Variants in COL9A1 observed in about 807,000 individuals in gnomAD.
COL9A1 encodes collagen alpha-1(IX) chain.
Under a neutral mutation model 142.6 loss-of-function variants are expected in COL9A1, and 104 were observed. The ratio of observed to expected loss-of-function variants is 0.73; its 90% CI spans 0.62 to 0.86. The LOEUF (loss-of-function observed/expected upper bound fraction) is 0.86. COL9A1 is among the 40% of genes least tolerant of loss of function. The pLI, the probability that COL9A1 is intolerant of heterozygous loss-of-function variation, is 0.00. For synonymous variants in COL9A1, 466 were observed against 396.0 expected (o/e 1.18, Z -2.10); for missense variants, 1,210 against 1,176.6 (o/e 1.03, Z -0.42).
intron 6 of COL9A1, chr6:70,283,212 C>G: frequency 6.8e-7 from 1 of 1,463,856 alleles, no homozygotes; most frequent in Non-Finnish European, 9.0e-7. Context: ...GGCGCGCGTT[C>G]CCCCTGTTTA....
chr6:70,291,404 C>CA (rs1411206841), intron 5 of COL9A1, among the ~76,000 whole-genome samples: 1 of 152,132 alleles, frequency 6.6e-6, no homozygotes. Context: ...CCCCCACTCT[C>CA]ATGCCTCCCT....
At chr6:70,273,588 G>C (rs1772545469) in intron 12 of COL9A1, among the ~76,000 whole-genome samples, 1 of 152,072 alleles carries the variant, frequency 6.6e-6, no homozygotes, top group African/African-American at 2.4e-5. Flanking sequence ...TTGTGCAAAT[G>C]CAGAAAAAGA....
rs1378852677 is a variant in COL9A1, at chr6:70,236,484, A to G, written c.2113-1544T>C. On this transcript the variant is annotated intron_variant, in intron 33 of 37. Transcript: ENST00000357250. Reference sequence around the variant, plus strand: ...GCAAGGGAATGCTAGTGTTCAAGATATGAATGTTTATAAAGCAATTTAATC... The same window carrying G: ...GCAAGGGAATGCTAGTGTTCAAGATGTGAATGTTTATAAAGCAATTTAATC... Among the ~76,000 whole-genome samples, 2 of 152,238 alleles carry G rather than the reference A, an allele frequency of 1.3e-5. 1 individual carries two copies. Among genetic ancestry groups the G allele is most frequent in the South Asian group, 4.1e-4 (2 of 4,836 alleles).
At chr6:70,246,862 C>G (rs563870619) in intron 28 of COL9A1, among the ~76,000 whole-genome samples, 1 of 152,314 alleles carries the variant, frequency 6.6e-6, no homozygotes, top group South Asian at 2.1e-4. Context: ...TGCCATGCAT[C>G]TGGTAACTTC....
intron 11 of COL9A1, among the ~76,000 whole-genome samples, chr6:70,274,464 TTGGTTTTC>T (rs1772619123): frequency 6.6e-6 from 1 of 152,178 alleles, no homozygotes; most frequent in African/African-American, 2.4e-5. Flanking sequence ...CATGCAGTAT[TTGGTTTTC>T]TGTTCCTGCG....
At chr6:70,288,826 T>C (rs1773551452) in intron 5 of COL9A1, among the ~76,000 whole-genome samples, 1 of 152,158 alleles carries the variant, frequency 6.6e-6, no homozygotes, top group Non-Finnish European at 1.5e-5. Context: ...TTTTTCCCCA[T>C]AGCATTTATG....
In COL9A1 at chr6:70,281,314, C is replaced by A. The variant is rs6934633; in HGVS notation, c.876+76G>T. 1,509 of 1,295,916 alleles carry A rather than the reference C, an allele frequency of 1.2e-3. 5 individuals carry two copies. The African/African-American group carries it at 0.014, about 12-fold the overall frequency. The allele number at this position is 1,295,916 out of a possible 1,614,324, so 80.3% of individuals were successfully genotyped here. A position where few individuals can be genotyped will look rare whatever the true frequency, so the allele number is the denominator to read the frequency against. ...TGGTCCTCTCTGAAAAAAAAAAAAA[C>A]CCCACAGGAGCCCTGGGAAAAGAAT... On this transcript the variant is annotated intron_variant, in intron 8 of 37. Transcript: ENST00000357250.
intron 33 of COL9A1, among the ~76,000 whole-genome samples, chr6:70,236,112 C>CA (rs368419095): frequency 0.029 from 1,402 of 49,036 alleles, 180 homozygotes; most frequent in East Asian, 0.12. Context: ...GACTCCATCT[C>CA]AAAAAAAAAA....
At position 70,294,543 on chromosome 6, in the gene COL9A1, A is replaced by C; in HGVS notation, c.320T>G (p.Leu107Arg). The change falls in exon 5 of 38, where the codon CTG becomes CGG. Residue 107 changes from leucine (L) to arginine (R), a missense_variant. By Grantham distance (102) the Leu-to-Arg change is moderately radical. Transcript: ENST00000357250. ...CGTCAAGAAGGAGTATTCTTCAGGC[A>C]GTCCACTGGGATATAAATTCCTGAG... ...IPTRNLYPSG[L>R]PEEYSFLTTF... is the part of the protein sequence containing the mutation. The C allele has an allele frequency of 6.2e-7, 1 of 1,614,032 alleles. No individual in the cohort carries two copies. Among genetic ancestry groups the C allele is most frequent in the East Asian group, 2.2e-5 (1 of 44,868 alleles).
Position 70,279,006 on chromosome 6 carries a change from C to A in COL9A1, c.975+1806G>T, listed in dbSNP as rs145915969. 1.4e-3 allele frequency among the ~76,000 whole-genome samples: 216 copies of A among 152,240 alleles called. 2 individuals carry two copies. Among genetic ancestry groups the A allele is most frequent in the African/African-American group, 5.1e-3 (210 of 41,550 alleles). On this transcript the variant is annotated intron_variant, in intron 10 of 37. Coordinates refer to ENST00000357250, the MANE Select transcript of COL9A1 (RefSeq NM_001851.6). Reference sequence around the variant, plus strand: ...TATTGCAGTTTAATTAATAGCAAGACAAGGATTCAGATGACCCATTTACGC... The same window carrying A: ...TATTGCAGTTTAATTAATAGCAAGAAAAGGATTCAGATGACCCATTTACGC...
chr6:70,256,232 T>C (rs983309605), intron 21 of COL9A1, among the ~76,000 whole-genome samples: 2 of 152,234 alleles, frequency 1.3e-5, no homozygotes, highest in Non-Finnish European at 2.9e-5. Flanking sequence ...CTTTCTGTCT[T>C]TCCCATTGGA....
At chr6:70,295,430 G>A (rs543118693) in intron 4 of COL9A1, among the ~76,000 whole-genome samples, 29 of 151,744 alleles carry the variant, frequency 1.9e-4, no homozygotes, top group African/African-American at 6.8e-4. Context: ...GGGATTACAG[G>A]CGCCCACCAT....
chr6:70,280,109 G>A, intron 10 of COL9A1: 3 of 605,788 alleles, frequency 5.0e-6, no homozygotes, highest in Non-Finnish European at 6.1e-6. Context: ...ATTATTTAGT[G>A]TTAGGTTTAC....
At chr6:70,250,925 T>A (rs114337476) in intron 28 of COL9A1, among the ~76,000 whole-genome samples, 7,217 of 152,220 alleles carry the variant, frequency 0.047, 359 homozygotes, top group East Asian at 0.14. Flanking sequence ...CTAAGAAAAG[T>A]CTGGTGGTTT....
intron 8 of COL9A1, 79 bp downstream of exon 8, chr6:70,281,311 A>T: frequency 7.0e-7 from 1 of 1,423,974 alleles, no homozygotes; most frequent in Non-Finnish European, 9.6e-7. Context: ...AAAAAAAAAA[A>T]AACCCCACAG....
intron 20 of COL9A1, among the ~76,000 whole-genome samples, chr6:70,257,147 G>A (rs1462442154): frequency 2.2e-5 from 3 of 134,470 alleles, no homozygotes; most frequent in South Asian, 2.5e-4. Context: ...TGCAACCTCC[G>A]CCCCCTGGGT....
At chr6:70,237,787 G>C (rs1249984943) in intron 33 of COL9A1, among the ~76,000 whole-genome samples, 1 of 152,308 alleles carries the variant, frequency 6.6e-6, no homozygotes, top group African/African-American at 2.4e-5. Context: ...ATAGTGTTTA[G>C]AGGCAGGTAA....
intron 32 of COL9A1, among the ~76,000 whole-genome samples, chr6:70,239,904 T>G (rs976540587): frequency 3.0e-4 from 45 of 152,318 alleles, no homozygotes; most frequent in African/African-American, 1.1e-3. Flanking sequence ...CTCTTATGAA[T>G]TTACTTAATA....
At chr6:70,261,710 C>T (rs1321800439) in intron 19 of COL9A1, among the ~76,000 whole-genome samples, 2 of 152,114 alleles carry the variant, frequency 1.3e-5, no homozygotes, top group Non-Finnish European at 2.9e-5. Flanking sequence ...TGAGATGTGG[C>T]CATATCAGAT....
Sources: gnomAD v4.1 joint callset for allele counts (sites outside exome capture counted in the v4.1 genomes callset) on GRCh38, gnomAD v4.1.1 for gene constraint, MANE v1.5 for transcripts, NCBI Gene and HGNC (gene_info 2026-07-23, HGNC 2026-07-21) for gene names.